The following PPIL3 variants were observed in gnomAD, a reference collection of about 807,000 sequenced individuals.
PPIL3 encodes peptidylprolyl isomerase like 3.
In PPIL3, 13 loss-of-function variants were observed where a neutral mutation model predicts 20.9. That is an observed-to-expected ratio of 0.62 (90% CI 0.40 to 0.99). The LOEUF is 0.99. PPIL3 is among the 50% of genes least tolerant of loss of function. The probability of loss-of-function intolerance (pLI) is 0.00; values close to 1 mark genes in which losing one functional copy is unlikely to be tolerated. For missense variants in PPIL3, 170 were observed against 195.2 expected (o/e 0.87, Z 0.77); for synonymous variants, 71 against 64.4 (o/e 1.10, Z -0.49).
chr2:200,888,059 A>AAG (rs1258052443), intron 1 of PPIL3, among the ~76,000 whole-genome samples: 1 of 151,462 alleles, frequency 6.6e-6, no homozygotes, highest in Non-Finnish European at 1.5e-5. Context: ...TCCGTCAAAA[A>AAG]AAAAAAAAAA....
chr2:200,875,177 A>G (rs1428787741), intron 6 of PPIL3, among the ~76,000 whole-genome samples: 4 of 152,160 alleles, frequency 2.6e-5, no homozygotes, highest in Non-Finnish European at 5.9e-5. Flanking sequence ...GAGAAATCTA[A>G]TTTTAGTAAG....
chr2:200,874,085 G>A (rs966500229), intron 6 of PPIL3, among the ~76,000 whole-genome samples: 4 of 151,292 alleles, frequency 2.6e-5, no homozygotes, highest in Non-Finnish European at 5.9e-5. Flanking sequence ...GGCGCCTGTA[G>A]TCCCAGCTAC....
Position 200,876,988 on chromosome 2 carries a change from T to A in PPIL3, c.290A>T (p.Asn97Ile). 1 of 1,613,970 alleles carries A rather than the reference T, an allele frequency of 6.2e-7. No homozygotes were observed. The highest frequency in any genetic ancestry group is 8.5e-7 in the Non-Finnish European group (1 of 1,179,810). Residue 97 changes from asparagine to isoleucine, a missense_variant, in exon 6 of 7, where the codon AAT (asparagine) becomes ATT (isoleucine). Coordinates refer to ENST00000392283, the MANE Select transcript of PPIL3 (RefSeq NM_130906.3). ...ATAGGTGATGAAGAACTGAGATCCA[T>A]TGGTGTTCGGGCCATTATTAGCCAT... ...VSMANNGPNTNGSQFFITYGK... is the reference protein window; with the variant it reads ...VSMANNGPNTIGSQFFITYGK...
chr2:200,876,139 T>G (rs1208982575), intron 6 of PPIL3, among the ~76,000 whole-genome samples: 4 of 148,674 alleles, frequency 2.7e-5, no homozygotes, highest in African/African-American at 1.0e-4. Flanking sequence ...AAAGTGTTTT[T>G]TTTGTTTTTT....
intron 3 of PPIL3, chr2:200,885,216 C>CA: frequency 4.7e-6 from 1 of 214,430 alleles, no homozygotes; most frequent in Admixed American, 6.0e-5. Context: ...ACTAAAAATA[C>CA]AAAAATTAGC....
intron 5 of PPIL3, among the ~76,000 whole-genome samples, chr2:200,880,409 C>CTTTTTTTTTTTTTTTT (rs779189285): frequency 7.6e-6 from 1 of 131,888 alleles, no homozygotes; most frequent in African/African-American, 3.1e-5. Flanking sequence ...ATTGAGTAGA[C>CTTTTTTTTTTTTTTTT]TTTTTTTTTT....
At chr2:200,887,379 C>CAAAAAAAAAAAAA in intron 2 of PPIL3, among the ~76,000 whole-genome samples, 1 of 50,798 alleles carries the variant, frequency 2.0e-5, no homozygotes, top group Non-Finnish European at 4.3e-5. Context: ...GAGTGAAACT[C>CAAAAAAAAAAAAA]AAAAAAAAAA....
At chr2:200,880,409 C>T (rs2039681537) in intron 5 of PPIL3, among the ~76,000 whole-genome samples, 17 of 131,864 alleles carry the variant, frequency 1.3e-4, no homozygotes, top group Admixed American at 2.2e-4. Context: ...ATTGAGTAGA[C>T]TTTTTTTTTT....
rs1253094577 is a variant in PPIL3, at chr2:200,876,987, A to G, written c.291T>C (p.Asn97=). Residue 97 remains asparagine, a synonymous_variant, in exon 6 of 7, where the codon AAT becomes AAC. Transcript: ENST00000392283. ...VSMANNGPNT[N]GSQFFITYGK... ...CATAGGTGATGAAGAACTGAGATCCATTGGTGTTCGGGCCATTATTAGCCA... is the reference window on the plus strand; with the variant it reads ...CATAGGTGATGAAGAACTGAGATCCGTTGGTGTTCGGGCCATTATTAGCCA... 1 of 1,613,970 alleles carries G rather than the reference A, an allele frequency of 6.2e-7. No individual in the cohort carries two copies. The highest frequency in any genetic ancestry group is 1.1e-5 in the South Asian group (1 of 91,076).
intron 4 of PPIL3, 89 bp from the exon 5 acceptor site, chr2:200,881,577 TTGAC>T: frequency 9.2e-7 from 1 of 1,081,692 alleles, no homozygotes; most frequent in Non-Finnish European, 1.4e-6. Flanking sequence ...ACTTTATAGT[TTGAC>T]TGCTTAAATA....
chr2:200,873,380 G>C (rs1469066782), intron 6 of PPIL3, among the ~76,000 whole-genome samples: 1 of 151,786 alleles, frequency 6.6e-6, no homozygotes, highest in East Asian at 1.9e-4. Flanking sequence ...AGTAGAGATG[G>C]GATTTCACCA....
chr2:200,878,509 C>A (rs1405123518), intron 5 of PPIL3, among the ~76,000 whole-genome samples: 1 of 151,822 alleles, frequency 6.6e-6, no homozygotes. Context: ...TCCACCTTGG[C>A]CTCCTGAGTA....
chr2:200,881,510 T>C (rs2039723507), intron 4 of PPIL3, 22 bp from the exon 5 acceptor site: 1 of 1,589,236 alleles, frequency 6.3e-7, no homozygotes, highest in Non-Finnish European at 8.6e-7. Context: ...GTGAAGCAAA[T>C]CAAAAGAAGT....
rs756342503 is a variant in PPIL3, at chr2:200,887,666, G to A, written c.-51C>T. The A allele has an allele frequency of 6.5e-6, 10 of 1,548,668 alleles. No homozygotes were observed. In the Admixed American group the frequency reaches 1.9e-4, roughly 30 times the overall value. On this transcript the variant is annotated 5_prime_UTR_variant, in exon 2 of 7. Transcript: ENST00000392283. Reference sequence around the variant, plus strand: ...GACTACGTGATTTCTCAGTCTTACAGCGAGCTCAAAAATAAGTCTCTAGTC... The same window carrying A: ...GACTACGTGATTTCTCAGTCTTACAACGAGCTCAAAAATAAGTCTCTAGTC...
Position 200,871,225 on chromosome 2 carries a change from A to AATTTAG in PPIL3, c.*169_*170insCTAAAT. ...ATCATTATAATAAAGAATATGCTCTAAGAATGGGGATAAAAGCTGTTGGGC... is the reference window on the plus strand; with the variant it reads ...ATCATTATAATAAAGAATATGCTCTAATTTAGAGAATGGGGATAAAAGCTGTTGGGC... On this transcript the variant is annotated 3_prime_UTR_variant, in exon 7 of 7. Transcript: ENST00000392283. 1 of 509,142 alleles carries AATTTAG rather than the reference A, an allele frequency of 2.0e-6. No individual in the cohort carries two copies. Among genetic ancestry groups the AATTTAG allele is most frequent in the Non-Finnish European group, 3.4e-6 (1 of 292,570 alleles). The allele number at this position is 509,142 out of a possible 1,614,324, so 31.5% of individuals were successfully genotyped here.
At chr2:200,888,923 G>A (rs1288117575) in intron 1 of PPIL3, 33 bp downstream of exon 1, 2 of 471,048 alleles carry the variant, frequency 4.2e-6, no homozygotes, top group African/African-American at 2.0e-5. Flanking sequence ...ATTCGAATAA[G>A]TGAATGAAAG....
At chr2:200,884,800 A>C (rs1258596365) in intron 3 of PPIL3, 1 of 152,070 alleles carries the variant, frequency 6.6e-6, no homozygotes, top group Non-Finnish European at 1.5e-5. Context: ...ATGGAGGCTC[A>C]TGCCTATAAT....
intron 4 of PPIL3, 24 bp from the exon 5 acceptor site, chr2:200,881,512 A>C: frequency 6.3e-7 from 1 of 1,587,772 alleles, no homozygotes. Context: ...GAAGCAAATC[A>C]AAAGAAGTAT....
At chr2:200,875,360 A>C (rs890281742) in intron 6 of PPIL3, among the ~76,000 whole-genome samples, 5 of 151,690 alleles carry the variant, frequency 3.3e-5, no homozygotes, top group Non-Finnish European at 4.4e-5. Context: ...CTCCACCTCC[A>C]GGGTTCAAGC....
Sources: allele counts gnomAD v4.1 joint callset (sites outside exome capture counted in the v4.1 genomes callset), GRCh38; gene constraint gnomAD v4.1.1; transcripts MANE v1.5; gene names NCBI Gene and HGNC (gene_info 2026-07-23, HGNC 2026-07-21).